EIF2AK1: variants seen among roughly 807,000 people sequenced by gnomAD.
EIF2AK1 encodes eukaryotic translation initiation factor 2-alpha kinase 1.
In EIF2AK1, 54 loss-of-function variants were observed where a neutral mutation model predicts 77.9. The observed-to-expected ratio is 0.69, with a 90% CI of 0.56 to 0.87. The LOEUF (loss-of-function observed/expected upper bound fraction) is 0.87. Ranked by LOEUF, EIF2AK1 falls within the 40% of genes least tolerant of loss-of-function variation. The pLI, the probability that EIF2AK1 is intolerant of heterozygous loss-of-function variation, is 0.00. For synonymous variants in EIF2AK1, 314 were observed against 290.5 expected (o/e 1.08, Z -0.82); for missense variants, 810 against 768.6 (o/e 1.05, Z -0.64).
At position 6,036,325 on chromosome 7, in the gene EIF2AK1, T is replaced by C. The variant is rs1204034720; in HGVS notation, c.1332+1099A>G. On this transcript the variant is annotated intron_variant, in intron 11 of 14. Coordinates refer to ENST00000199389, the MANE Select transcript of EIF2AK1 (RefSeq NM_014413.4). This position sits in a 1 kb window ranked among gnomAD's most constrained non-coding sequence, Gnocchi z 4.6. ...AAATACAAACAGCACTTGAAGCAAT[T>C]CCTCCCAGTGACAATATGGAATTCT... 2 of 1,541,792 alleles carry C rather than the reference T, an allele frequency of 1.3e-6. No individual in the cohort carries two copies. The highest frequency in any genetic ancestry group is 1.4e-5 in the African/African-American group (1 of 72,656).
chr7:6,045,358 C>T (rs992348068), intron 6 of EIF2AK1, among the ~76,000 whole-genome samples: 10 of 152,024 alleles, frequency 6.6e-5, no homozygotes, highest in African/African-American at 1.9e-4. Flanking sequence ...TGCCTGCCTT[C>T]GCCTCCCAAA....
In EIF2AK1 at chr7:6,027,402, C is replaced by G. The variant is rs1388208328; in HGVS notation, c.1531-441G>C. Among the ~76,000 whole-genome samples, 1 of 152,176 alleles carries G rather than the reference C, an allele frequency of 6.6e-6. No homozygotes were observed. The highest frequency in any genetic ancestry group is 2.1e-4 in the South Asian group (1 of 4,832). On this transcript the variant is annotated intron_variant, in intron 13 of 14. Coordinates refer to ENST00000199389, the MANE Select transcript of EIF2AK1 (RefSeq NM_014413.4). This position sits in a 1 kb window ranked among gnomAD's most constrained non-coding sequence, Gnocchi z 4.5. ...TGACATTTAACAAACTGCATAAAAT[C>G]TGTGATACTACTCCTAAAAACAGAT...
rs1467712053 is a variant in EIF2AK1 at position 6,028,621 on chromosome 7, A to G, written c.1524T>C (p.Asp508=). 6.2e-7 allele frequency: 1 copy of G among 1,614,130 alleles called. No homozygotes were observed. The highest frequency in any genetic ancestry group is 1.1e-5 in the South Asian group (1 of 91,084). Residue 508 remains aspartate, a synonymous_variant, in exon 13 of 15, where the codon GAT becomes GAC. Coordinates refer to ENST00000199389, the MANE Select transcript of EIF2AK1 (RefSeq NM_014413.4). ...AGAAAGCAACAAATACTACCTTGGC[A>G]TCATACTCAGATCCTTCCAACTGTT... The part of the protein sequence containing the change: ...SPEQLEGSEY[D]AKSDMYSLGV...
At position 6,035,928 on chromosome 7, in the gene EIF2AK1, C is replaced by G. The variant is rs1788070017; in HGVS notation, c.1332+1496G>C. 6.5e-7 allele frequency: 1 copy of G among 1,546,992 alleles called. No homozygotes were observed. The highest frequency in any genetic ancestry group is 8.7e-7 in the Non-Finnish European group (1 of 1,144,740). Reference sequence around the variant, plus strand: ...CAGCTGCATCCGTCTGCTACTCACTCACGGAGCCAAAGTCAACGCCCAGGA... The same window carrying G: ...CAGCTGCATCCGTCTGCTACTCACTGACGGAGCCAAAGTCAACGCCCAGGA... On this transcript the variant is annotated intron_variant, in intron 11 of 14. Coordinates refer to ENST00000199389, the MANE Select transcript of EIF2AK1 (RefSeq NM_014413.4). This position sits in a 1 kb window ranked among gnomAD's most constrained non-coding sequence, Gnocchi z 5.5.
intron 1 of EIF2AK1, among the ~76,000 whole-genome samples, chr7:6,056,534 C>T (rs563426215): frequency 7.0e-6 from 1 of 143,688 alleles, no homozygotes; most frequent in East Asian, 2.1e-4. Context: ...GCGGAGGTTG[C>T]AGTGAGCCGA....
intron 1 of EIF2AK1, among the ~76,000 whole-genome samples, chr7:6,056,648 G>T (rs1167476794): frequency 1.2e-5 from 1 of 83,972 alleles, no homozygotes; most frequent in Non-Finnish European, 2.3e-5. Flanking sequence ...ACTCTGTCTG[G>T]ACATTCTGGG....
chr7:6,025,744 C>A (rs1787727541), intron 14 of EIF2AK1, among the ~76,000 whole-genome samples: 1 of 152,126 alleles, frequency 6.6e-6, no homozygotes, highest in Non-Finnish European at 1.5e-5. Flanking sequence ...AAGTGACTGT[C>A]CTGCCTCAGC....
intron 2 of EIF2AK1, among the ~76,000 whole-genome samples, chr7:6,050,858 C>G (rs988952638): frequency 1.3e-5 from 2 of 152,052 alleles, no homozygotes; most frequent in South Asian, 2.1e-4. Context: ...CCACCTTGGC[C>G]TCCCTAAGTG....
intron 11 of EIF2AK1, among the ~76,000 whole-genome samples, chr7:6,030,688 A>C (rs895493655): frequency 6.6e-6 from 1 of 152,110 alleles, no homozygotes; most frequent in Non-Finnish European, 1.5e-5. Flanking sequence ...TAGTAGCGAC[A>C]GGGTTTCACC....
chr7:6,025,255 A>G (rs61170917), intron 14 of EIF2AK1, among the ~76,000 whole-genome samples: 38 of 152,324 alleles, frequency 2.5e-4, no homozygotes, highest in Non-Finnish European at 3.7e-4. Context: ...TCCCCTTCAT[A>G]TATGAAGATA....
intron 8 of EIF2AK1, among the ~76,000 whole-genome samples, chr7:6,042,013 G>A (rs1788313080): frequency 6.6e-6 from 1 of 152,104 alleles, no homozygotes; most frequent in Non-Finnish European, 1.5e-5. Flanking sequence ...GCCAGACATG[G>A]TGGCGCAAGC....
chr7:6,028,982 G>C lies in EIF2AK1; in HGVS notation c.1383C>G (p.Asp461Glu), dbSNP rs1787825937. Residue 461 changes from aspartate (D) to glutamate (E), a missense_variant, in exon 12 of 15, where the codon GAC (aspartate) becomes GAG (glutamate). Around this residue, in one of 3 missense-constraint regions of EIF2AK1, gnomAD observed 549 missense variants for 533.7 expected, o/e 1.03. Coordinates refer to ENST00000199389, the MANE Select transcript of EIF2AK1 (RefSeq NM_014413.4). ...GGATGTCTGTGCAGGCCAGACCAAAGTCTCCTATTTTTACTTGCTGATCAG... is the reference window on the plus strand; with the variant it reads ...GGATGTCTGTGCAGGCCAGACCAAACTCTCCTATTTTTACTTGCTGATCAG... ...HGPDQQVKIG[D>E]FGLACTDILQ... is the part of the protein sequence containing the mutation. 6.2e-7 allele frequency: 1 copy of C among 1,612,714 alleles called. No individual in the cohort carries two copies. Among genetic ancestry groups the C allele is most frequent in the African/African-American group, 1.3e-5 (1 of 74,820 alleles).
Position 6,039,621 on chromosome 7 carries a change from C to CAAA in EIF2AK1, c.1120-953_1120-951dup, listed in dbSNP as rs767158374. 1.2e-3 allele frequency among the ~76,000 whole-genome samples: 60 copies of CAAA among 48,990 alleles called. 3 individuals carry two copies. The highest frequency in any genetic ancestry group is 2.5e-3 in the South Asian group (4 of 1,580). 32.1% of individuals were successfully genotyped at this position (48,990 alleles called of 152,430 possible). ...GGGTGACAGAGCAAGACTCCATCTC[C>CAAA]AAAAAAAAAAAAAAAAAAAAAGCAC... On this transcript the variant is annotated intron_variant, in intron 9 of 14. Transcript: ENST00000199389.
At chr7:6,034,250 T>TA (rs1457055058) in intron 11 of EIF2AK1, among the ~76,000 whole-genome samples, 4 of 151,862 alleles carry the variant, frequency 2.6e-5, no homozygotes, top group Non-Finnish European at 5.9e-5. Context: ...GCAGTTGCAG[T>TA]GAGCCAAAAT....
chr7:6,043,464 T>C (rs933246477), intron 7 of EIF2AK1, among the ~76,000 whole-genome samples: 2 of 152,128 alleles, frequency 1.3e-5, no homozygotes, highest in Non-Finnish European at 1.5e-5. Context: ...AGTCTCGCTC[T>C]GTTGCCCAGG....
At chr7:6,031,460 C>A in intron 11 of EIF2AK1, 1 of 1,550,798 alleles carries the variant, frequency 6.4e-7, no homozygotes, top group East Asian at 2.4e-5. Context: ...TGCAGCACTT[C>A]ACTCGAAACT....
intron 6 of EIF2AK1, among the ~76,000 whole-genome samples, chr7:6,045,787 C>G (rs1001537404): frequency 3.4e-5 from 5 of 148,188 alleles, no homozygotes; most frequent in African/African-American, 1.2e-4. Context: ...TGCCTGTAAT[C>G]CCAGCTACTT....
At chr7:6,050,578 A>G (rs1239072403) in intron 2 of EIF2AK1, among the ~76,000 whole-genome samples, 1 of 151,714 alleles carries the variant, frequency 6.6e-6, no homozygotes, top group Non-Finnish European at 1.5e-5. Context: ...CTCATTCATG[A>G]AAAGCACAAC....
intron 1 of EIF2AK1, chr7:6,057,754 CG>C (rs1788827434): frequency 1.2e-5 from 2 of 165,184 alleles, no homozygotes; most frequent in African/African-American, 2.4e-5. Context: ...GCCTCAGCCT[CG>C]AAAGTAGCTG....
Sources: allele counts gnomAD v4.1 joint callset (sites outside exome capture counted in the v4.1 genomes callset), GRCh38; gene constraint gnomAD v4.1.1; regional missense constraint gnomAD v4.1.1; non-coding constraint Gnocchi (gnomAD v3.1); transcripts MANE v1.5; gene names NCBI Gene and HGNC (gene_info 2026-07-23, HGNC 2026-07-21).